MAP3K2: variants seen among roughly 807,000 people sequenced by gnomAD.
The protein encoded by MAP3K2 is mitogen-activated protein kinase kinase kinase 2.
Under a neutral mutation model 80.3 loss-of-function variants are expected in MAP3K2, and 24 were observed. The ratio of observed to expected loss-of-function variants is 0.30; its 90% CI spans 0.22 to 0.42. The LOEUF (loss-of-function observed/expected upper bound fraction) is 0.42, where lower values mean the gene tolerates loss of function less well. Among genes scored for constraint, MAP3K2 ranks in the 10% least tolerant of loss-of-function variants. MAP3K2 has a pLI of 1.00. For missense variants in MAP3K2, 608 were observed against 750.1 expected, an observed-to-expected ratio of 0.81 and a Z score of 2.21; for synonymous variants, 244 against 253.7, an observed-to-expected ratio of 0.96 and a Z score of 0.36.
intron 5 of MAP3K2, among the ~76,000 whole-genome samples, chr2:127,335,220 C>G (rs1686342108): frequency 6.6e-6 from 1 of 152,128 alleles, no homozygotes; most frequent in South Asian, 2.1e-4. Context: ...TAAATACTTT[C>G]TGAATATAAA....
intron 1 of MAP3K2, among the ~76,000 whole-genome samples, chr2:127,372,852 C>T (rs1260398938): frequency 1.3e-5 from 2 of 152,202 alleles, no homozygotes; most frequent in Non-Finnish European, 2.9e-5. Context: ...CCCTGGAATT[C>T]ACCCATTTTC....
chr2:127,307,893 CATAT>C lies in MAP3K2; in HGVS notation c.1635-93_1635-90del. 1.3e-6 allele frequency: 1 copy of C among 771,204 alleles called. No homozygotes were observed. The highest frequency in any genetic ancestry group is 2.0e-6 in the Non-Finnish European group (1 of 496,158). 47.8% of individuals were successfully genotyped at this position (771,204 alleles called of 1,614,324 possible). The stretch of plus-strand genomic sequence containing the variant: ...GAAAATGAGAAACAGGCATTAAGTC[CATAT>C]ATATTTAAATATGACTTAATTTCAA... On this transcript the variant is annotated intron_variant, in intron 16 of 16. Coordinates refer to ENST00000682094, the MANE Select transcript of MAP3K2 (RefSeq NM_001371910.2). The surrounding 1 kb of genome is among the most constrained non-coding windows in gnomAD (Gnocchi z 5.4).
chr2:127,353,067 C>T (rs968699329), intron 1 of MAP3K2, among the ~76,000 whole-genome samples: 1 of 152,104 alleles, frequency 6.6e-6, no homozygotes, highest in South Asian at 2.1e-4. Flanking sequence ...ACCTCCCAGC[C>T]GCCTGCCTTG....
chr2:127,370,550 T>C (rs764600355), intron 1 of MAP3K2, among the ~76,000 whole-genome samples: 1 of 152,208 alleles, frequency 6.6e-6, no homozygotes, highest in Admixed American at 6.5e-5. Context: ...AGAAACAGTA[T>C]ATAAAAGTAT....
At chr2:127,342,806 G>C (rs1442549184) in intron 2 of MAP3K2, among the ~76,000 whole-genome samples, 4 of 152,108 alleles carry the variant, frequency 2.6e-5, no homozygotes, top group Non-Finnish European at 4.4e-5. Flanking sequence ...GAGCACCAAT[G>C]ATTTGCTGCT....
Position 127,323,955 on chromosome 2 carries a change from C to A in MAP3K2, c.785G>T (p.Gly262Val). 6.4e-7 allele frequency: 1 copy of A among 1,566,130 alleles called. No individual in the cohort carries two copies. The highest frequency in any genetic ancestry group is 1.2e-5 in the South Asian group (1 of 84,620). Residue 262 changes from glycine to valine, a missense_variant, in exon 11 of 17, where the codon GGA becomes GTA. Gly to Val is a moderately radical substitution (Grantham distance 109). Coordinates refer to ENST00000682094, the MANE Select transcript of MAP3K2 (RefSeq NM_001371910.2). ...AACATGATACCTTCTTGGATATGTT[C>A]CTCCTTTTCCAAATTTCTCAAAGAT... ...NPIFEKFGKG[G>V]TYPRRYHVSY...
chr2:127,299,191 G>A lies in MAP3K2; in HGVS notation c.*8388C>T, dbSNP rs1378685543. Reference sequence around the variant, plus strand: ...CAACAGTGGACTTTATTCCTAACACGAGTAATTTTACATGGTACCGCATAT... The same window carrying A: ...CAACAGTGGACTTTATTCCTAACACAAGTAATTTTACATGGTACCGCATAT... On this transcript the variant is annotated 3_prime_UTR_variant, in exon 17 of 17. Coordinates refer to ENST00000682094, the MANE Select transcript of MAP3K2 (RefSeq NM_001371910.2). 1.3e-5 allele frequency: 2 copies of A among 152,026 alleles called. No individual in the cohort carries two copies. Among genetic ancestry groups the A allele is most frequent in the African/African-American group, 4.8e-5 (2 of 41,388 alleles). 9.4% of individuals were successfully genotyped at this position (152,026 alleles called of 1,614,324 possible).
intron 5 of MAP3K2, among the ~76,000 whole-genome samples, chr2:127,333,275 A>ATAAC (rs1491180033): frequency 1.5e-5 from 2 of 132,970 alleles, no homozygotes; most frequent in East Asian, 4.9e-4. Context: ...ACCAACCCTC[A>ATAAC]TAACACACAC....
intron 3 of MAP3K2, among the ~76,000 whole-genome samples, chr2:127,338,020 G>A (rs1048216874): frequency 1.3e-5 from 2 of 152,156 alleles, no homozygotes; most frequent in African/African-American, 4.8e-5. Flanking sequence ...TATTAGTGAA[G>A]GTACCAGGAG....
intron 1 of MAP3K2, among the ~76,000 whole-genome samples, chr2:127,358,991 C>T (rs1686840361): frequency 6.6e-6 from 1 of 151,836 alleles, no homozygotes; most frequent in East Asian, 1.9e-4. Context: ...AAAGGCAAAA[C>T]TATGGAGACA....
chr2:127,351,665 A>C (rs989714480), intron 1 of MAP3K2, among the ~76,000 whole-genome samples: 5 of 152,094 alleles, frequency 3.3e-5, no homozygotes, highest in Non-Finnish European at 4.4e-5. Flanking sequence ...AAATAGTTTC[A>C]TATCTGATCA....
intron 7 of MAP3K2, among the ~76,000 whole-genome samples, chr2:127,327,244 T>C (rs1452846194): frequency 2.6e-5 from 4 of 152,222 alleles, no homozygotes; most frequent in Admixed American, 1.3e-4. Context: ...AATTAAACTA[T>C]GTGAGCATTT....
At chr2:127,369,617 T>A (rs1241102116) in intron 1 of MAP3K2, among the ~76,000 whole-genome samples, 3 of 152,018 alleles carry the variant, frequency 2.0e-5, no homozygotes, top group African/African-American at 7.2e-5. Flanking sequence ...TTTTCAAAAT[T>A]AATTTTCAAA....
chr2:127,357,580 T>C (rs748985804), intron 1 of MAP3K2, among the ~76,000 whole-genome samples: 2 of 152,214 alleles, frequency 1.3e-5, no homozygotes, highest in Admixed American at 6.5e-5. Context: ...ACTTAAATTA[T>C]GTAACTTCAA....
intron 1 of MAP3K2, among the ~76,000 whole-genome samples, chr2:127,366,866 GTTTTTTTT>G (rs367670762): frequency 0.018 from 1,536 of 85,170 alleles, 28 homozygotes; most frequent in African/African-American, 0.062. Context: ...ACAGTCAAGG[GTTTTTTTT>G]TTTTTTTTTT....
intron 1 of MAP3K2, among the ~76,000 whole-genome samples, chr2:127,352,412 T>C (rs1206631906): frequency 2.0e-5 from 3 of 152,172 alleles, no homozygotes; most frequent in Non-Finnish European, 2.9e-5. Context: ...ACATCTCACC[T>C]GAGTCTGCTT....
At chr2:127,383,636 A>G (rs1373297555) in intron 1 of MAP3K2, among the ~76,000 whole-genome samples, 1 of 152,148 alleles carries the variant, frequency 6.6e-6, no homozygotes, top group Non-Finnish European at 1.5e-5. Context: ...GGGTATTTTG[A>G]CTTTTCCAAC....
rs1451739008 is a variant in MAP3K2, at chr2:127,301,261, A to T, written c.*6318T>A. The T allele has an allele frequency of 6.6e-6, 1 of 152,254 alleles. No individual in the cohort carries two copies. Among genetic ancestry groups the T allele is most frequent in the African/African-American group, 2.4e-5 (1 of 41,468 alleles). 9.4% of individuals were successfully genotyped at this position (152,254 alleles called of 1,614,324 possible). ...AACATAAGTTCATAAATGTTAAGAC[A>T]CTAGGAAGAAAGTTCGCCATCAACC... On this transcript the variant is annotated 3_prime_UTR_variant, in exon 17 of 17. Transcript: ENST00000682094.
At position 127,371,888 on chromosome 2, in the gene MAP3K2, G is replaced by A. The variant is rs532012669; in HGVS notation, c.-66+15564C>T. 1.1e-4 allele frequency among the ~76,000 whole-genome samples: 16 copies of A among 152,316 alleles called. No homozygotes were observed. The South Asian group carries it at 1.2e-3, about 12-fold the overall frequency. ...CAAATTTGATAAAAACGACAACTCCGTAAGTAACCAGGCGGGAAACTTCAT... is the reference window on the plus strand; with the variant it reads ...CAAATTTGATAAAAACGACAACTCCATAAGTAACCAGGCGGGAAACTTCAT... On this transcript the variant is annotated intron_variant, in intron 1 of 16. Transcript: ENST00000682094.
Sources: allele counts gnomAD v4.1 joint callset (sites outside exome capture counted in the v4.1 genomes callset), GRCh38; gene constraint gnomAD v4.1.1; non-coding constraint Gnocchi (gnomAD v3.1); transcripts MANE v1.5; gene names NCBI Gene and HGNC (gene_info 2026-07-23, HGNC 2026-07-21).